PAQR5: variants seen among roughly 807,000 people sequenced by gnomAD.
PAQR5 encodes membrane progestin receptor gamma.
A neutral mutation model predicts 34.5 loss-of-function variants in PAQR5; 20 were observed. The ratio of observed to expected loss-of-function variants is 0.58; its 90% CI spans 0.41 to 0.84. PAQR5 has a LOEUF of 0.84. Among genes scored for constraint, PAQR5 ranks in the 40% least tolerant of loss-of-function variants. The probability of loss-of-function intolerance (pLI) is 0.00; values close to 1 mark genes in which losing one functional copy is unlikely to be tolerated. For missense variants in PAQR5, 378 were observed against 412.7 expected, an observed-to-expected ratio of 0.92 and a Z score of 0.73; for synonymous variants, 131 against 155.6, an observed-to-expected ratio of 0.84 and a Z score of 1.18.
intron 5 of PAQR5, among the ~76,000 whole-genome samples, chr15:69,387,186 G>A (rs1595927301): frequency 6.6e-6 from 1 of 152,230 alleles, no homozygotes; most frequent in African/African-American, 2.4e-5. Context: ...TCAGCCAGAA[G>A]CAGTCCAGAC....
At chr15:69,330,354 A>C (rs1185848125) in intron 1 of PAQR5, among the ~76,000 whole-genome samples, 1 of 152,236 alleles carries the variant, frequency 6.6e-6, no homozygotes, top group East Asian at 1.9e-4. Context: ...TTTAAACAAA[A>C]ATGGTAACAG....
intron 2 of PAQR5, among the ~76,000 whole-genome samples, chr15:69,351,267 G>T (rs1193842385): frequency 1.1e-4 from 16 of 152,262 alleles, no homozygotes; most frequent in Admixed American, 1.0e-3. Flanking sequence ...AGACACAGGG[G>T]TGGAGATTCC....
Position 69,300,589 on chromosome 15 carries a change from CCTTCTTTCTTTCT to C in PAQR5, c.-277+1534_-277+1546del, listed in dbSNP as rs2053516591. Among the ~76,000 whole-genome samples the C allele has an allele frequency of 1.6e-4, 10 of 63,790 alleles. 2 individuals are homozygous for C. In the South Asian group the frequency reaches 5.7e-3, roughly 37 times the overall value. 41.8% of individuals were successfully genotyped at this position (63,790 alleles called of 152,430 possible). The stretch of plus-strand genomic sequence containing the variant: ...TTTCTTTCTCTTTCTTTCTTTCTTT[CCTTCTTTCTTTCT>C]TTCTTTCTTTCTTTCTTTCTTTCTT... On this transcript the variant is annotated intron_variant, in intron 1 of 8. Transcript: ENST00000395407.
chr15:69,374,469 G>T (rs945448310), intron 3 of PAQR5, among the ~76,000 whole-genome samples: 13 of 151,992 alleles, frequency 8.6e-5, no homozygotes, highest in Admixed American at 7.9e-4. Context: ...TGAGATCAGG[G>T]GTTTGAGACC....
At chr15:69,358,633 A>ATTTTTTTTTTTTTTTTTTTTTTTTT (rs71149910) in intron 2 of PAQR5, among the ~76,000 whole-genome samples, 1 of 84,466 alleles carries the variant, frequency 1.2e-5, no homozygotes, top group Non-Finnish European at 2.1e-5. Flanking sequence ...GCTCTGTGGC[A>ATTTTTTTTTTTTTTTTTTTTTTTTT]TTTTTTTTTT....
chr15:69,343,632 C>T (rs1004599688), intron 2 of PAQR5, among the ~76,000 whole-genome samples: 11 of 152,172 alleles, frequency 7.2e-5, no homozygotes, highest in South Asian at 2.1e-4. Context: ...AATTTCAACA[C>T]GCACTTTTTT....
At position 69,397,572 on chromosome 15, in the gene PAQR5, C is replaced by A. The variant is rs2056482323; in HGVS notation, c.609+8C>A. Reference sequence around the variant, plus strand: ...CTCCCCATCTTCTACAGGGTAAGGACTGGCTGCATCTCCTCTCTGCCTGTT... The same window carrying A: ...CTCCCCATCTTCTACAGGGTAAGGAATGGCTGCATCTCCTCTCTGCCTGTT... On this transcript the variant is annotated splice_region_variant and intron_variant, in intron 7 of 8. Transcript: ENST00000395407. 6.5e-7 allele frequency: 1 copy of A among 1,537,590 alleles called. No individual in the cohort carries two copies. Among genetic ancestry groups the A allele is most frequent in the African/African-American group, 1.4e-5 (1 of 73,546 alleles).
chr15:69,347,034 C>T (rs889587218), intron 2 of PAQR5, among the ~76,000 whole-genome samples: 4 of 152,066 alleles, frequency 2.6e-5, no homozygotes, highest in Non-Finnish European at 4.4e-5. Flanking sequence ...GTTGGCCAGG[C>T]CGGTCTCAGA....
chr15:69,389,822 C>T (rs1204127498), intron 6 of PAQR5, 42 bp downstream of exon 6: 1 of 1,609,328 alleles, frequency 6.2e-7, no homozygotes, highest in South Asian at 1.1e-5. Context: ...GAGGGAGGGT[C>T]TTGCATGCAG....
chr15:69,391,934 G>A lies in PAQR5; in HGVS notation c.512+2154G>A, dbSNP rs1020788268. 5 of 391,492 alleles carry A rather than the reference G, an allele frequency of 1.3e-5. No individual in the cohort carries two copies. The Admixed American group carries it at 1.6e-4, about 12-fold the overall frequency. 24.3% of individuals were successfully genotyped at this position (391,492 alleles called of 1,614,324 possible). ...TAGCTGGGTGTGGTGGCAGGTACCT[G>A]TAATCCCAGCTACTCAAGAGGCTGA... On this transcript the variant is annotated intron_variant, in intron 6 of 8. Transcript: ENST00000395407.
At chr15:69,351,615 G>A (rs1329142310) in intron 2 of PAQR5, among the ~76,000 whole-genome samples, 1 of 152,156 alleles carries the variant, frequency 6.6e-6, no homozygotes, top group South Asian at 2.1e-4. Context: ...AGTTTGCAGG[G>A]CACTTGATCA....
chr15:69,386,452 G>C (rs141124067), intron 5 of PAQR5, among the ~76,000 whole-genome samples: 7 of 152,218 alleles, frequency 4.6e-5, no homozygotes, highest in Non-Finnish European at 8.8e-5. Context: ...TTGCAGAAGA[G>C]AGTGGGGAAT....
Position 69,300,788 on chromosome 15 carries a change from T to C in PAQR5, c.-277+1732T>C, listed in dbSNP as rs374045859. Among the ~76,000 whole-genome samples, 262 of 35,352 alleles carry C rather than the reference T, an allele frequency of 7.4e-3. 57 individuals carry two copies. The highest frequency in any genetic ancestry group is 0.021 in the African/African-American group (257 of 12,210). The allele number at this position is 35,352 out of a possible 152,430, so 23.2% of individuals were successfully genotyped here. A position where few individuals can be genotyped will look rare whatever the true frequency, so the allele number is the denominator to read the frequency against. On this transcript the variant is annotated intron_variant, in intron 1 of 8. Coordinates refer to ENST00000395407, the MANE Select transcript of PAQR5 (RefSeq NM_017705.4). The stretch of plus-strand genomic sequence containing the variant: ...TTCCTCCCTCCCTCTCTCTCTCTCT[T>C]TCTTTCTTTCTTTCCTTCTTTCCTT...
At chr15:69,362,965 G>A (rs932202774) in intron 3 of PAQR5, among the ~76,000 whole-genome samples, 1 of 152,146 alleles carries the variant, frequency 6.6e-6, no homozygotes, top group African/African-American at 2.4e-5. Flanking sequence ...GTTTGAAGAA[G>A]GCTTTCCTCT....
At chr15:69,386,968 T>C (rs1163725599) in intron 5 of PAQR5, among the ~76,000 whole-genome samples, 1 of 151,826 alleles carries the variant, frequency 6.6e-6, no homozygotes, top group East Asian at 2.0e-4. Context: ...TTCCTCTCAC[T>C]CCCCACCCAC....
chr15:69,324,129 C>CAAAAAAAAAAAAAAAAAA (rs55634756), intron 1 of PAQR5, among the ~76,000 whole-genome samples: 2 of 135,468 alleles, frequency 1.5e-5, no homozygotes, highest in Admixed American at 7.4e-5. Context: ...ATAGCTAGGG[C>CAAAAAAAAAAAAAAAAAA]AAAAAAAAAA....
chr15:69,321,385 C>A (rs1315209845), intron 1 of PAQR5, among the ~76,000 whole-genome samples: 1 of 152,182 alleles, frequency 6.6e-6, no homozygotes, highest in Non-Finnish European at 1.5e-5. Context: ...CTTACCCAGT[C>A]CCCTGGATCC....
Position 69,355,344 on chromosome 15 carries a change from TTTTCTTTCTTTCTTTCTTTCTTTC to T in PAQR5, c.-115-4600_-115-4577del, listed in dbSNP as rs202183150. Among the ~76,000 whole-genome samples the T allele has an allele frequency of 4.4e-3, 247 of 56,216 alleles. 1 individual carries two copies. Among genetic ancestry groups the T allele is most frequent in the East Asian group, 0.012 (25 of 2,150 alleles). 36.9% of individuals were successfully genotyped at this position (56,216 alleles called of 152,430 possible). A position where few individuals can be genotyped will look rare whatever the true frequency, so the allele number is the denominator to read the frequency against. On this transcript the variant is annotated intron_variant, in intron 2 of 8. Coordinates refer to ENST00000395407, the MANE Select transcript of PAQR5 (RefSeq NM_017705.4). ...TCTTTCTTTCTTTCTTTCTTTCTTT[TTTTCTTTCTTTCTTTCTTTCTTTC>T]TTTCTTTCTTTCTTTCTTTCTCTTT... is the stretch of plus-strand genomic sequence containing the variant.
intron 7 of PAQR5, among the ~76,000 whole-genome samples, chr15:69,398,755 C>T (rs1486369166): frequency 6.6e-6 from 1 of 152,204 alleles, no homozygotes; most frequent in Non-Finnish European, 1.5e-5. Context: ...CAATTCTGTC[C>T]CATGTACCTC....
Sources: allele counts gnomAD v4.1 joint callset (sites outside exome capture counted in the v4.1 genomes callset), GRCh38; gene constraint gnomAD v4.1.1; transcripts MANE v1.5; gene names NCBI Gene and HGNC (gene_info 2026-07-23, HGNC 2026-07-21).